The following FSCN1 variants were observed in gnomAD, a reference collection of about 807,000 sequenced individuals.
FSCN1 encodes fascin actin-bundling protein 1, also known as fascin.
Under a neutral mutation model 39.7 loss-of-function variants are expected in FSCN1, and 10 were observed. That is an observed-to-expected ratio of 0.25 (90% confidence interval 0.16 to 0.43). The LOEUF (loss-of-function observed/expected upper bound fraction) is 0.43. FSCN1 is among the 20% of genes least tolerant of loss of function. The pLI is 1.00. For missense variants in FSCN1, 525 were observed against 723.8 expected (o/e 0.73, Z 3.15); for synonymous variants, 322 against 320.0 (o/e 1.01, Z -0.07).
At position 5,605,326 on chromosome 7, in the gene FSCN1, G is replaced by A; in HGVS notation, c.1334G>A (p.Gly445Asp). Reference protein sequence around the residue: ...VGSDSAVTSSGDTPVDFFFEF... With the variant: ...VGSDSAVTSSDDTPVDFFFEF... ...AGTGACTCCGCGGTCACCAGCAGCGGCGACACTCCTGTGGACTTCTTCTTC... is the reference window on the plus strand; with the variant it reads ...AGTGACTCCGCGGTCACCAGCAGCGACGACACTCCTGTGGACTTCTTCTTC... The change falls in exon 5 of 5, where the codon GGC becomes GAC. Residue 445 changes from glycine (G) to aspartate (D), a missense_variant. Physicochemically the swap from Gly to Asp is moderately conservative, Grantham distance 94. Coordinates refer to ENST00000382361, the MANE Select transcript of FSCN1 (RefSeq NM_003088.4). The surrounding 1 kb of genome is among the most constrained non-coding windows in gnomAD (Gnocchi z 6.9). 1 of 1,613,910 alleles carries A rather than the reference G, an allele frequency of 6.2e-7. No individual in the cohort carries two copies. Among genetic ancestry groups the A allele is most frequent in the Non-Finnish European group, 8.5e-7 (1 of 1,179,838 alleles).
rs1554336290 is a variant in FSCN1, at chr7:5,594,047, C to CT, written c.832+279_832+280insT. ...GCAACCGTACGTGCACCCTCCTAAC[C>CT]CCCCCCCCCGCCCAATCTTGGCTCT... On this transcript the variant is annotated intron_variant, in intron 1 of 4. Coordinates refer to ENST00000382361, the MANE Select transcript of FSCN1 (RefSeq NM_003088.4). The CT allele has an allele frequency of 5.2e-5, 17 of 329,368 alleles. No individual in the cohort carries two copies. The South Asian group carries it at 5.5e-4, about 11-fold the overall frequency. 20.4% of individuals were successfully genotyped at this position (329,368 alleles called of 1,614,324 possible).
At chr7:5,598,342 T>A (rs1295365593) in intron 1 of FSCN1, among the ~76,000 whole-genome samples, 1 of 152,240 alleles carries the variant, frequency 6.6e-6, no homozygotes, top group East Asian at 1.9e-4. Flanking sequence ...GGCAGTTGTG[T>A]GGCCCTGGGC....
intron 1 of FSCN1, among the ~76,000 whole-genome samples, chr7:5,600,616 C>T (rs544013978): frequency 3.3e-5 from 5 of 150,754 alleles, no homozygotes; most frequent in African/African-American, 1.2e-4. Context: ...GTCAGCCTCC[C>T]GAGCAGCTGG....
chr7:5,593,417 G>A lies in FSCN1; in HGVS notation c.481G>A (p.Asp161Asn), dbSNP rs774211938. Residue 161 changes from aspartate (D) to asparagine (N), a missense_variant, in exon 1 of 5, where the codon GAC (aspartate) becomes AAC (asparagine). By Grantham distance (23) the Asp-to-Asn change is conservative (BLOSUM62 1). Around this residue, in one of 3 missense-constraint regions of FSCN1, gnomAD observed 246 missense variants for 350.6 expected, o/e 0.70. Transcript: ENST00000382361. ...CGCGCACCTGAGCGCGCGGCCGGCC[G>A]ACGAGATCGCCGTGGACCGCGACGT... The part of the protein sequence containing the change: ...RYAHLSARPA[D>N]EIAVDRDVPW... 6.2e-7 allele frequency: 1 copy of A among 1,612,172 alleles called. No homozygotes were observed. Among genetic ancestry groups the A allele is most frequent in the South Asian group, 1.1e-5 (1 of 91,042 alleles).
In FSCN1 at chr7:5,597,742, A is replaced by C. The variant is rs545051437; in HGVS notation, c.832+3974A>C. On this transcript the variant is annotated intron_variant, in intron 1 of 4. Coordinates refer to ENST00000382361, the MANE Select transcript of FSCN1 (RefSeq NM_003088.4). The stretch of plus-strand genomic sequence containing the variant: ...CTGTAATTAAAATAATTAAAAGAAA[A>C]AAGTTAAAAAAAAAAAAAAGAGAGG... 6.6e-5 allele frequency among the ~76,000 whole-genome samples: 10 copies of C among 150,946 alleles called. No homozygotes were observed. The South Asian group carries it at 2.1e-3, about 32-fold the overall frequency.
chr7:5,601,449 C>T (rs1188923105), intron 1 of FSCN1, among the ~76,000 whole-genome samples: 6 of 151,870 alleles, frequency 4.0e-5, no homozygotes, highest in African/African-American at 7.3e-5. Context: ...GTGATCCACC[C>T]GCCTCAGCTT....
rs765728387 is a variant in FSCN1 at position 5,603,655 on chromosome 7, A to T, written c.1111+38A>T. The T allele has an allele frequency of 1.9e-6, 3 of 1,612,998 alleles. No individual in the cohort carries two copies. The South Asian group carries it at 3.3e-5, about 18-fold the overall frequency. On this transcript the variant is annotated intron_variant, in intron 3 of 4. Transcript: ENST00000382361. The surrounding 1 kb of genome is among the most constrained non-coding windows in gnomAD (Gnocchi z 8.5). ...CCCCAGTTCCCTGGAGCCGTCCTGGAGTCCTGGAGGGTCTGGCCATGCCGT... is the reference window on the plus strand; with the variant it reads ...CCCCAGTTCCCTGGAGCCGTCCTGGTGTCCTGGAGGGTCTGGCCATGCCGT...
rs527679372 is a variant in FSCN1, at chr7:5,605,208, C to T, written c.1280-64C>T. ...CTTGGGAACACCCGTGCCCACCCTC[C>T]GCTGCCCAGGGTAGGGGTGGGGAGC... On this transcript the variant is annotated intron_variant, in intron 4 of 4. Coordinates refer to ENST00000382361, the MANE Select transcript of FSCN1 (RefSeq NM_003088.4). The surrounding 1 kb of genome is among the most constrained non-coding windows in gnomAD (Gnocchi z 6.9). The T allele has an allele frequency of 2.5e-5, 33 of 1,295,464 alleles. No individual in the cohort carries two copies. Among genetic ancestry groups the T allele is most frequent in the Admixed American group, 1.9e-4 (11 of 57,446 alleles). 80.2% of individuals were successfully genotyped at this position (1,295,464 alleles called of 1,614,324 possible).
chr7:5,602,267 T>C (rs1271779705), intron 1 of FSCN1, among the ~76,000 whole-genome samples: 1 of 151,384 alleles, frequency 6.6e-6, no homozygotes, highest in African/African-American at 2.4e-5. Context: ...GAACTCCTGG[T>C]CTCAAATGAT....
At chr7:5,601,966 T>G (rs1785839299) in intron 1 of FSCN1, among the ~76,000 whole-genome samples, 1 of 151,996 alleles carries the variant, frequency 6.6e-6, no homozygotes. Flanking sequence ...TTTTTTTTTT[T>G]TTTTTGAGGC....
At chr7:5,596,690 G>A (rs1050856098) in intron 1 of FSCN1, among the ~76,000 whole-genome samples, 13 of 152,202 alleles carry the variant, frequency 8.5e-5, no homozygotes, top group Non-Finnish European at 1.3e-4. Context: ...TGCTGGCTTG[G>A]GACATGCCCT....
chr7:5,598,890 G>T (rs1269490608), intron 1 of FSCN1, among the ~76,000 whole-genome samples: 3 of 152,254 alleles, frequency 2.0e-5, no homozygotes, highest in Non-Finnish European at 2.9e-5. Context: ...CCCAGGGTGC[G>T]GCCCCTGCCT....
chr7:5,602,225 T>C (rs1440002630), intron 1 of FSCN1, among the ~76,000 whole-genome samples: 1 of 141,234 alleles, frequency 7.1e-6, no homozygotes, highest in Non-Finnish European at 1.6e-5. Flanking sequence ...TTTTTTTAAG[T>C]AGGGTCTTGC....
intron 1 of FSCN1, among the ~76,000 whole-genome samples, chr7:5,602,622 C>T (rs1248633193): frequency 6.6e-6 from 1 of 152,178 alleles, no homozygotes; most frequent in Non-Finnish European, 1.5e-5. Context: ...GTAATCAATG[C>T]TTAACATCTA....
chr7:5,601,247 G>C (rs533838067), intron 1 of FSCN1, among the ~76,000 whole-genome samples: 325 of 137,758 alleles, frequency 2.4e-3, no homozygotes, highest in African/African-American at 8.2e-3. Flanking sequence ...CTGTCGCCCA[G>C]GCTGGAGTGC....
intron 1 of FSCN1, among the ~76,000 whole-genome samples, chr7:5,597,111 C>G (rs1333642918): frequency 7.1e-6 from 1 of 141,360 alleles, no homozygotes; most frequent in African/African-American, 2.8e-5. Context: ...TTTGGGAGGC[C>G]AAGGAGGGAA....
Position 5,605,469 on chromosome 7 carries a change from T to C in FSCN1, c.1477T>C (p.Tyr493His), listed in dbSNP as rs1785917004. 1 of 1,566,942 alleles carries C rather than the reference T, an allele frequency of 6.4e-7. No individual in the cohort carries two copies. ...ETVDPASLWEY is the reference protein window; with the variant it reads ...ETVDPASLWEH Reference sequence around the variant, plus strand: ...CGTGGACCCCGCCTCGCTCTGGGAGTACTAGGGCCGGCCCGTCCTTCCCCG... The same window carrying C: ...CGTGGACCCCGCCTCGCTCTGGGAGCACTAGGGCCGGCCCGTCCTTCCCCG... The change falls in exon 5 of 5, where the codon TAC becomes CAC. Residue 493 changes from tyrosine to histidine, a missense_variant. By Grantham distance (83) the Tyr-to-His change is moderately conservative (BLOSUM62 2). This residue lies in a region of FSCN1 where 275 missense variants were observed against 351.9 expected (regional missense o/e 0.78). Transcript: ENST00000382361. This position sits in a 1 kb window ranked among gnomAD's most constrained non-coding sequence, Gnocchi z 6.9.
In FSCN1 at chr7:5,605,020, A is replaced by G. The variant is rs1269712404; in HGVS notation, c.1280-252A>G. 2.6e-5 allele frequency among the ~76,000 whole-genome samples: 4 copies of G among 152,098 alleles called. No individual in the cohort carries two copies. Among genetic ancestry groups the G allele is most frequent in the African/African-American group, 9.6e-5 (4 of 41,486 alleles). ...ACTCCTGACCTCAAGTGATCCGCCC[A>G]CCTCAGCCTCCCAAAGTGCTGGGAT... is the stretch of plus-strand genomic sequence containing the variant. On this transcript the variant is annotated intron_variant, in intron 4 of 4. Coordinates refer to ENST00000382361, the MANE Select transcript of FSCN1 (RefSeq NM_003088.4). This position sits in a 1 kb window ranked among gnomAD's most constrained non-coding sequence, Gnocchi z 6.9.
At chr7:5,594,139 T>G (rs548182387) in intron 1 of FSCN1, 87 of 188,526 alleles carry the variant, frequency 4.6e-4, no homozygotes, top group East Asian at 2.1e-3. Flanking sequence ...CCTCACCCAT[T>G]TCCTCGTGCC....
Sources: allele counts gnomAD v4.1 joint callset (sites outside exome capture counted in the v4.1 genomes callset), GRCh38; gene constraint gnomAD v4.1.1; regional missense constraint gnomAD v4.1.1; non-coding constraint Gnocchi (gnomAD v3.1); transcripts MANE v1.5; gene names NCBI Gene and HGNC (gene_info 2026-07-23, HGNC 2026-07-21).